Variants in ARL6IP5 observed in about 807,000 individuals in gnomAD.
ARL6IP5 encodes ARF like GTPase 6 interacting protein 5, also known as PRA1 family protein 3.
ARL6IP5 carries 6 observed loss-of-function variants against 13.0 expected under a neutral mutation model. The observed-to-expected ratio is 0.46, with a 90% confidence interval of 0.25 to 0.91. The LOEUF (loss-of-function observed/expected upper bound fraction) is 0.91. ARL6IP5 is among the 40% of genes least tolerant of loss of function. The probability of loss-of-function intolerance (pLI) is 0.17; values close to 1 mark genes in which losing one functional copy is unlikely to be tolerated. For missense variants in ARL6IP5, 208 were observed against 248.8 expected (o/e 0.84, Z 1.10); for synonymous variants, 91 against 91.9 (o/e 0.99, Z 0.06).
intron 1 of ARL6IP5, among the ~76,000 whole-genome samples, chr3:69,088,361 T>TATAA (rs2092254367): frequency 5.3e-5 from 8 of 152,196 alleles, no homozygotes; most frequent in Non-Finnish European, 1.2e-4. Flanking sequence ...TGTGAAAATG[T>TATAA]GACCTGGATA....
At chr3:69,094,739 G>A (rs913097669) in intron 1 of ARL6IP5, among the ~76,000 whole-genome samples, 1 of 152,206 alleles carries the variant, frequency 6.6e-6, no homozygotes, top group Admixed American at 6.5e-5. Flanking sequence ...GAGTTGATCC[G>A]AGGATTTCTG....
intron 1 of ARL6IP5, among the ~76,000 whole-genome samples, chr3:69,088,944 G>C (rs2092256555): frequency 6.6e-6 from 1 of 152,198 alleles, no homozygotes; most frequent in South Asian, 2.1e-4. Flanking sequence ...AAACTTCTTT[G>C]TGCTTAATGG....
At position 69,105,192 on chromosome 3, in the gene ARL6IP5, C is replaced by A. The variant is rs7039; in HGVS notation, c.*556C>A. The A allele has an allele frequency of 4.5e-4, 121 of 271,090 alleles. No individual in the cohort carries two copies. The highest frequency in any genetic ancestry group is 2.0e-3 in the African/African-American group (89 of 44,988). 16.8% of individuals were successfully genotyped at this position (271,090 alleles called of 1,614,324 possible). ...TGGTTAAGCCAGTTGTTCATACTTC[C>A]TTTACAAATATAAAGATAGCTGTTT... On this transcript the variant is annotated 3_prime_UTR_variant, in exon 3 of 3. Coordinates refer to ENST00000273258, the MANE Select transcript of ARL6IP5 (RefSeq NM_006407.4).
chr3:69,088,964 T>C (rs998779330), intron 1 of ARL6IP5, among the ~76,000 whole-genome samples: 17 of 152,196 alleles, frequency 1.1e-4, no homozygotes, highest in African/African-American at 3.9e-4. Context: ...GAATGCCAAA[T>C]GATTTGAGCT....
chr3:69,092,819 CTTTT>C (rs201632976), intron 1 of ARL6IP5, among the ~76,000 whole-genome samples: 1 of 139,764 alleles, frequency 7.2e-6, no homozygotes, highest in Non-Finnish European at 1.6e-5. Context: ...TGTACCCAGC[CTTTT>C]TTTTTTTTTT....
At chr3:69,087,152 C>CTG (rs1157989503) in intron 1 of ARL6IP5, among the ~76,000 whole-genome samples, 1 of 152,126 alleles carries the variant, frequency 6.6e-6, no homozygotes, top group Non-Finnish European at 1.5e-5. Flanking sequence ...TCCCAAGTGA[C>CTG]TGGGACCCCA....
chr3:69,085,255 T>A, intron 1 of ARL6IP5, 32 bp downstream of exon 1: 1 of 1,593,684 alleles, frequency 6.3e-7, no homozygotes, highest in Non-Finnish European at 8.6e-7. Context: ...GGGACACCGA[T>A]CCGGGGCGAG....
intron 2 of ARL6IP5, among the ~76,000 whole-genome samples, chr3:69,102,911 A>C (rs2092310672): frequency 6.6e-6 from 1 of 152,204 alleles, no homozygotes; most frequent in East Asian, 1.9e-4. Flanking sequence ...TAAGACTCCA[A>C]ACACTTGAAG....
At chr3:69,104,351 G>A in intron 2 of ARL6IP5, 113 bp from the exon 3 acceptor site, 1 of 1,068,068 alleles carries the variant, frequency 9.4e-7, no homozygotes. Flanking sequence ...GAAGCAGACT[G>A]GACTGTGGCT....
In ARL6IP5 at chr3:69,105,141, C is replaced by T; in HGVS notation, c.*505C>T. Reference sequence around the variant, plus strand: ...ATCAAAGATGATCTCTATCACTTTGCCACCTGTTTGATGTGCAGTGGAAAC... The same window carrying T: ...ATCAAAGATGATCTCTATCACTTTGTCACCTGTTTGATGTGCAGTGGAAAC... On this transcript the variant is annotated 3_prime_UTR_variant, in exon 3 of 3. Coordinates refer to ENST00000273258, the MANE Select transcript of ARL6IP5 (RefSeq NM_006407.4). 1 of 411,202 alleles carries T rather than the reference C, an allele frequency of 2.4e-6. No homozygotes were observed. Among genetic ancestry groups the T allele is most frequent in the Non-Finnish European group, 4.3e-6 (1 of 230,270 alleles). 25.5% of individuals were successfully genotyped at this position (411,202 alleles called of 1,614,324 possible).
At chr3:69,086,317 C>T (rs946935122) in intron 1 of ARL6IP5, among the ~76,000 whole-genome samples, 1 of 152,266 alleles carries the variant, frequency 6.6e-6, no homozygotes, top group African/African-American at 2.4e-5. Context: ...TCCAAGCACA[C>T]CAAGATGAAT....
intron 1 of ARL6IP5, among the ~76,000 whole-genome samples, chr3:69,099,129 C>CG (rs879666722): frequency 0.054 from 952 of 17,578 alleles, 60 homozygotes; most frequent in African/African-American, 0.16. Context: ...GGCTGAGGGG[C>CG]GGGGGGGGTG....
In ARL6IP5 at chr3:69,102,001, C is replaced by G. The variant is rs10489; in HGVS notation, c.339C>G (p.Ile113Met). The change falls in exon 2 of 3, where the codon ATC (isoleucine) becomes ATG (methionine). Residue 113 changes from isoleucine to methionine, a missense_variant. Ile to Met is a conservative substitution (Grantham distance 10). Coordinates refer to ENST00000273258, the MANE Select transcript of ARL6IP5 (RefSeq NM_006407.4). Reference sequence around the variant, plus strand: ...TCATGTTGGCGAGCTATTTCCTTATCTCCATGTTTGGAGGAGTCATGGTCT... The same window carrying G: ...TCATGTTGGCGAGCTATTTCCTTATGTCCATGTTTGGAGGAGTCATGGTCT... ...MVVMLASYFL[I>M]SMFGGVMVFV... 16 of 1,613,930 alleles carry G rather than the reference C, an allele frequency of 9.9e-6. No homozygotes were observed. In the Admixed American group the frequency reaches 2.7e-4, roughly 27 times the overall value.
chr3:69,105,199 A>T lies in ARL6IP5; in HGVS notation c.*563A>T. 3.7e-6 allele frequency: 1 copy of T among 269,354 alleles called. No individual in the cohort carries two copies. Among genetic ancestry groups the T allele is most frequent in the Non-Finnish European group, 7.0e-6 (1 of 142,486 alleles). The allele number at this position is 269,354 out of a possible 1,614,324, so 16.7% of individuals were successfully genotyped here. ...GCCAGTTGTTCATACTTCCTTTACA[A>T]ATATAAAGATAGCTGTTTAGGATAT... is the stretch of plus-strand genomic sequence containing the variant. On this transcript the variant is annotated 3_prime_UTR_variant, in exon 3 of 3. Coordinates refer to ENST00000273258, the MANE Select transcript of ARL6IP5 (RefSeq NM_006407.4).
At chr3:69,103,410 T>A (rs1351482291) in intron 2 of ARL6IP5, among the ~76,000 whole-genome samples, 2 of 152,210 alleles carry the variant, frequency 1.3e-5, no homozygotes, top group African/African-American at 4.8e-5. Context: ...GTAAGGAGAT[T>A]AGATAAGTGA....
intron 1 of ARL6IP5, among the ~76,000 whole-genome samples, chr3:69,091,386 C>T (rs2092265365): frequency 6.6e-6 from 1 of 152,068 alleles, no homozygotes; most frequent in South Asian, 2.1e-4. Context: ...CTCTACCTCC[C>T]TGGGCTCAGG....
At position 69,091,388 on chromosome 3, in the gene ARL6IP5, G is replaced by A. The variant is rs2092265384; in HGVS notation, c.176+6165G>A. On this transcript the variant is annotated intron_variant, in intron 1 of 2. Transcript: ENST00000273258. ...GGCTCACTACAGCCTCTACCTCCCT[G>A]GGCTCAGGTGATCCTCCTGCCTCAG... Among the ~76,000 whole-genome samples the A allele has an allele frequency of 3.9e-5, 6 of 152,094 alleles. No homozygotes were observed. In the South Asian group the frequency reaches 1.2e-3, roughly 32 times the overall value.
In ARL6IP5 at chr3:69,104,845, TTG is replaced by T; in HGVS notation, c.*213_*214del. 1 of 710,240 alleles carries T rather than the reference TTG, an allele frequency of 1.4e-6. No individual in the cohort carries two copies. The highest frequency in any genetic ancestry group is 1.5e-5 in the South Asian group (1 of 67,634). 44.0% of individuals were successfully genotyped at this position (710,240 alleles called of 1,614,324 possible). On this transcript the variant is annotated 3_prime_UTR_variant, in exon 3 of 3. Coordinates refer to ENST00000273258, the MANE Select transcript of ARL6IP5 (RefSeq NM_006407.4). ...CCGAAAGAAAACCACCACCCTCCTA[TTG>T]TGTCTGAAGTTTCACGTGTGTTTAT...
At position 69,105,867 on chromosome 3, in the gene ARL6IP5, A is replaced by G. The variant is rs1182443452; in HGVS notation, c.*1231A>G. On this transcript the variant is annotated 3_prime_UTR_variant, in exon 3 of 3. Coordinates refer to ENST00000273258, the MANE Select transcript of ARL6IP5 (RefSeq NM_006407.4). ...AGCATTAAATTGTGAAGACAACTGG[A>G]GTGGTACTTACTGAAGAAACTCTCT... 6.6e-6 allele frequency: 1 copy of G among 152,190 alleles called. No homozygotes were observed. The highest frequency in any genetic ancestry group is 2.4e-5 in the African/African-American group (1 of 41,452). The allele number at this position is 152,190 out of a possible 1,614,324, so 9.4% of individuals were successfully genotyped here.
Sources: gnomAD v4.1 joint callset for allele counts (sites outside exome capture counted in the v4.1 genomes callset) on GRCh38, gnomAD v4.1.1 for gene constraint, MANE v1.5 for transcripts, NCBI Gene and HGNC (gene_info 2026-07-23, HGNC 2026-07-21) for gene names.